ERP44: variants seen among roughly 807,000 people sequenced by gnomAD.
ERP44 encodes endoplasmic reticulum resident protein 44.
ERP44 carries 25 observed loss-of-function variants against 53.4 expected under a neutral mutation model. The ratio of observed to expected loss-of-function variants is 0.47; its 90% CI spans 0.34 to 0.65. The LOEUF is 0.65. Among genes scored for constraint, ERP44 ranks in the 30% least tolerant of loss-of-function variants. The pLI is 0.01. For missense variants in ERP44, 338 were observed against 493.2 expected (o/e 0.69, Z 2.98); for synonymous variants, 145 against 161.2 (o/e 0.90, Z 0.76).
At chr9:100,097,134 A>G (rs1282460467) in intron 1 of ERP44, among the ~76,000 whole-genome samples, 1 of 152,180 alleles carries the variant, frequency 6.6e-6, no homozygotes, top group Non-Finnish European at 1.5e-5. Context: ...ATTATACAAA[A>G]TGCTTAGATT....
At chr9:100,076,393 C>G (rs775953800) in intron 1 of ERP44, among the ~76,000 whole-genome samples, 9 of 152,188 alleles carry the variant, frequency 5.9e-5, no homozygotes, top group Non-Finnish European at 1.2e-4. Context: ...ATGGGGAGTT[C>G]CCTATGATCA....
At chr9:100,040,772 TA>T (rs975430076) in intron 4 of ERP44, among the ~76,000 whole-genome samples, 4 of 151,932 alleles carry the variant, frequency 2.6e-5, no homozygotes, top group African/African-American at 9.7e-5. Context: ...TAAAGACCAC[TA>T]AAAAACTATA....
At chr9:100,043,471 T>C (rs1825935831) in intron 4 of ERP44, among the ~76,000 whole-genome samples, 1 of 151,872 alleles carries the variant, frequency 6.6e-6, no homozygotes, top group Non-Finnish European at 1.5e-5. Context: ...AAAATATCTT[T>C]TGGCCTGGCG....
intron 10 of ERP44, among the ~76,000 whole-genome samples, chr9:99,996,795 C>G (rs1369275130): frequency 6.6e-6 from 1 of 152,144 alleles, no homozygotes; most frequent in Non-Finnish European, 1.5e-5. Context: ...GTTTTCCATT[C>G]CTGAGTTGCT....
chr9:100,064,813 C>CA (rs1826191868), intron 1 of ERP44, among the ~76,000 whole-genome samples: 1 of 151,388 alleles, frequency 6.6e-6, no homozygotes, highest in South Asian at 2.1e-4. Context: ...TGGTTTTCAA[C>CA]AAAAAAGCTA....
rs77747422 is a variant in ERP44 at position 99,999,855 on chromosome 9, C to T, written c.1016+6651G>A. ...TCTATTTTGAGATGATATTTGTATA[C>T]GGGGCGAGATGAGGGTCTAATTTCA... On this transcript the variant is annotated intron_variant, in intron 10 of 11. Transcript: ENST00000262455. Among the ~76,000 whole-genome samples the T allele has an allele frequency of 1.4e-4, 22 of 152,132 alleles. No individual in the cohort carries two copies. In the East Asian group the frequency reaches 3.3e-3, roughly 23 times the overall value.
Position 100,098,867 on chromosome 9 carries a change from C to A in ERP44, c.-27G>T. The A allele has an allele frequency of 9.3e-6, 15 of 1,607,724 alleles. No individual in the cohort carries two copies. Among genetic ancestry groups the A allele is most frequent in the Non-Finnish European group, 1.2e-5 (14 of 1,175,034 alleles). ...GTAACGCTGGGGTCCGTGACAGGGA[C>A]AGGCGCTGGCGGCTGGGACTGGGCT... On this transcript the variant is annotated 5_prime_UTR_variant, in exon 1 of 12. Transcript: ENST00000262455.
At chr9:99,990,866 C>T (rs1830246026) in intron 10 of ERP44, among the ~76,000 whole-genome samples, 1 of 152,078 alleles carries the variant, frequency 6.6e-6, no homozygotes, top group Non-Finnish European at 1.5e-5. Context: ...GGTTGCAATC[C>T]TAATCTCTGA....
At chr9:100,075,128 TG>T (rs1826342087) in intron 1 of ERP44, among the ~76,000 whole-genome samples, 1 of 152,074 alleles carries the variant, frequency 6.6e-6, no homozygotes, top group African/African-American at 2.4e-5. Context: ...GACGCAAGGG[TG>T]GTGATTCCCA....
chr9:99,986,263 T>A (rs1386526019), intron 10 of ERP44, among the ~76,000 whole-genome samples: 1 of 152,184 alleles, frequency 6.6e-6, no homozygotes, highest in Non-Finnish European at 1.5e-5. Flanking sequence ...GCCAAGCATG[T>A]CTTTTTTAAA....
At chr9:100,012,363 A>G (rs1830484095) in intron 8 of ERP44, among the ~76,000 whole-genome samples, 1 of 152,176 alleles carries the variant, frequency 6.6e-6, no homozygotes, top group East Asian at 1.9e-4. Flanking sequence ...ATGAGAAGCC[A>G]TTTTTAGAAC....
intron 4 of ERP44, among the ~76,000 whole-genome samples, chr9:100,044,681 TGCA>T (rs920287014): frequency 6.6e-6 from 1 of 152,210 alleles, no homozygotes; most frequent in African/African-American, 2.4e-5. Flanking sequence ...CTCTGTATAC[TGCA>T]GATTTCTAGC....
intron 10 of ERP44, among the ~76,000 whole-genome samples, chr9:99,996,618 G>A (rs1564085644): frequency 6.6e-6 from 1 of 151,762 alleles, no homozygotes; most frequent in Non-Finnish European, 1.5e-5. Context: ...TGAGATTTTG[G>A]TGCACCCATC....
chr9:100,018,284 C>G lies in ERP44; in HGVS notation c.617G>C (p.Gly206Ala), dbSNP rs1830545822. The G allele has an allele frequency of 6.2e-6, 10 of 1,607,136 alleles. No individual in the cohort carries two copies. Among genetic ancestry groups the G allele is most frequent in the Non-Finnish European group, 8.5e-6 (10 of 1,173,908 alleles). Residue 206 changes from glycine to alanine, a missense_variant, in exon 7 of 12, where the codon GGC (glycine) becomes GCC (alanine). Gly to Ala is a moderately conservative substitution (Grantham distance 60, BLOSUM62 0). Transcript: ENST00000262455. ...GDVSKPERYS[G>A]DNIIYKPPGH... ...TGGTGGTTTGTAGATTATGTTGTCG[C>G]CACTATATCTTTCCGGTTTTGAAAC...
At chr9:100,018,232 C>T (rs764434354) in intron 7 of ERP44, 24 bp downstream of exon 7, 3 of 1,424,304 alleles carry the variant, frequency 2.1e-6, no homozygotes, top group Non-Finnish European at 2.0e-6. Flanking sequence ...TCTTATCATA[C>T]AACATTAAGA....
chr9:100,073,592 G>C (rs1826326746), intron 1 of ERP44, among the ~76,000 whole-genome samples: 1 of 152,202 alleles, frequency 6.6e-6, no homozygotes, highest in Non-Finnish European at 1.5e-5. Flanking sequence ...CCTTCTTTCA[G>C]TGGAATTTGT....
At chr9:100,019,083 C>T (rs1195171602) in intron 6 of ERP44, among the ~76,000 whole-genome samples, 1 of 151,730 alleles carries the variant, frequency 6.6e-6, no homozygotes, top group Non-Finnish European at 1.5e-5. Flanking sequence ...TTGGTGGTTA[C>T]AAAAAAATGC....
At chr9:100,082,577 C>A (rs1261154916) in intron 1 of ERP44, among the ~76,000 whole-genome samples, 1 of 151,938 alleles carries the variant, frequency 6.6e-6, no homozygotes, top group Non-Finnish European at 1.5e-5. Context: ...GAGATTGGTA[C>A]CAGGACACTC....
At chr9:100,062,899 C>A (rs1274179897) in intron 1 of ERP44, among the ~76,000 whole-genome samples, 1 of 151,256 alleles carries the variant, frequency 6.6e-6, no homozygotes, top group Non-Finnish European at 1.5e-5. Flanking sequence ...ATAGCAAGAC[C>A]CTGTCTCTAC....
Sources: gnomAD v4.1 joint callset for allele counts (sites outside exome capture counted in the v4.1 genomes callset) on GRCh38, gnomAD v4.1.1 for gene constraint, MANE v1.5 for transcripts, NCBI Gene and HGNC (gene_info 2026-07-23, HGNC 2026-07-21) for gene names.